The following FSTL4 variants were observed in gnomAD, a reference collection of about 807,000 sequenced individuals.
FSTL4 encodes follistatin-related protein 4.
In FSTL4, 28 loss-of-function variants were observed where a neutral mutation model predicts 78.2. The observed-to-expected ratio is 0.36, with a 90% CI of 0.27 to 0.49. The LOEUF is 0.49. FSTL4 is among the 20% of genes least tolerant of loss of function. The probability of loss-of-function intolerance (pLI) is 0.98; values close to 1 mark genes in which losing one functional copy is unlikely to be tolerated. For missense variants in FSTL4, 922 were observed against 1,084.9 expected (o/e 0.85, Z 2.11); for synonymous variants, 422 against 440.5 (o/e 0.96, Z 0.53).
chr5:133,404,938 G>T (rs1422849020), intron 3 of FSTL4, among the ~76,000 whole-genome samples: 4 of 152,202 alleles, frequency 2.6e-5, no homozygotes, highest in African/African-American at 9.7e-5. Context: ...CCTTCTCAGG[G>T]ACAGTGCCCC....
At chr5:133,707,462 CCAAA>C in the FSTL4 span, among the ~76,000 whole-genome samples, 2 of 152,150 alleles carry the variant, frequency 1.3e-5, no homozygotes, top group African/African-American at 4.8e-5. Context: ...CCAAATAGCG[CCAAA>C]CAATTGGGGA....
At chr5:133,646,825 T>A in the FSTL4 span, among the ~76,000 whole-genome samples, 1 of 152,086 alleles carries the variant, frequency 6.6e-6, no homozygotes, top group African/African-American at 2.4e-5. Context: ...GAGAACGACA[T>A]AACTGGGAAA....
chr5:133,354,150 A>G (rs1754891935), intron 4 of FSTL4, among the ~76,000 whole-genome samples: 1 of 151,664 alleles, frequency 6.6e-6, no homozygotes, highest in Admixed American at 6.6e-5. Context: ...CAGGACTATT[A>G]TAAGGATGGA....
At chr5:133,242,318 G>C (rs1751898534) in intron 7 of FSTL4, among the ~76,000 whole-genome samples, 2 of 152,132 alleles carry the variant, frequency 1.3e-5, no homozygotes, top group Non-Finnish European at 2.9e-5. Flanking sequence ...GCTCCAATCT[G>C]TAGTGGCCAA....
chr5:133,363,058 C>T (rs61200471), intron 4 of FSTL4, among the ~76,000 whole-genome samples: 26,613 of 152,098 alleles, frequency 0.17, 2,686 homozygotes, highest in East Asian at 0.36. Context: ...TTCTCTCTCT[C>T]CTAACTTCTT....
chr5:133,454,956 CGCCTTG>C (rs1561723534), intron 3 of FSTL4, among the ~76,000 whole-genome samples: 11 of 152,242 alleles, frequency 7.2e-5, no homozygotes, highest in African/African-American at 2.4e-4. Flanking sequence ...AAACTGAGAT[CGCCTTG>C]AGGGCAGGGC....
chr5:133,418,510 C>A (rs185210265), intron 3 of FSTL4, among the ~76,000 whole-genome samples: 1 of 151,840 alleles, frequency 6.6e-6, no homozygotes, highest in Non-Finnish European at 1.5e-5. Flanking sequence ...AAAAAATCGA[C>A]AAGCTATTCT....
chr5:133,650,635 AT>A, the FSTL4 span, among the ~76,000 whole-genome samples: 1 of 152,108 alleles, frequency 6.6e-6, no homozygotes, highest in Non-Finnish European at 1.5e-5. Context: ...ATTCTGTTCC[AT>A]TGATCTATCT....
the FSTL4 span, among the ~76,000 whole-genome samples, chr5:133,699,880 CAAA>C: frequency 1.6e-5 from 1 of 62,474 alleles, no homozygotes; most frequent in Non-Finnish European, 3.0e-5. Flanking sequence ...GACTCCATCT[CAAA>C]AAAAAAAAAA....
chr5:133,580,131 T>C (rs993898884), intron 2 of FSTL4, among the ~76,000 whole-genome samples: 1 of 152,160 alleles, frequency 6.6e-6, no homozygotes, highest in Non-Finnish European at 1.5e-5. Context: ...ATAGGTCCCC[T>C]CCCCTTGGAT....
intron 4 of FSTL4, among the ~76,000 whole-genome samples, chr5:133,398,911 A>T (rs1227172279): frequency 6.6e-6 from 1 of 152,158 alleles, no homozygotes; most frequent in Non-Finnish European, 1.5e-5. Flanking sequence ...TGAAAACCTC[A>T]ATGAGTCAGA....
intron 3 of FSTL4, among the ~76,000 whole-genome samples, chr5:133,493,804 A>G (rs1374252818): frequency 6.6e-6 from 1 of 152,180 alleles, no homozygotes; most frequent in Non-Finnish European, 1.5e-5. Context: ...CATTTTCCCC[A>G]GTAATATTTT....
At chr5:133,357,294 C>T (rs561819287) in intron 4 of FSTL4, among the ~76,000 whole-genome samples, 11 of 152,302 alleles carry the variant, frequency 7.2e-5, no homozygotes, top group South Asian at 2.1e-4. Flanking sequence ...GAGAACTCCC[C>T]GTTGGCCTCT....
At chr5:133,726,401 G>GGTGGGTCC in the FSTL4 span, among the ~76,000 whole-genome samples, 1 of 152,180 alleles carries the variant, frequency 6.6e-6, no homozygotes. Flanking sequence ...TCCTGAAGCT[G>GGTGGGTCC]GTGGGTCCCC....
chr5:133,599,792 C>T (rs1249359429), intron 2 of FSTL4, among the ~76,000 whole-genome samples: 2 of 151,668 alleles, frequency 1.3e-5, no homozygotes, highest in Non-Finnish European at 2.9e-5. Flanking sequence ...GCTCCAATGG[C>T]AGCACCCTAG....
chr5:133,789,682 A>C, the FSTL4 span, among the ~76,000 whole-genome samples: 162 of 152,312 alleles, frequency 1.1e-3, no homozygotes, highest in African/African-American at 3.8e-3. Context: ...TTTTTCTCAC[A>C]GTTCTGGAGA....
intron 1 of FSTL4, among the ~76,000 whole-genome samples, chr5:133,604,619 G>T (rs1760937929): frequency 6.6e-6 from 1 of 152,134 alleles, no homozygotes. Flanking sequence ...TGGGGCAGGA[G>T]AATCGCTTGA....
chr5:133,539,168 T>C (rs1014524197), intron 3 of FSTL4, among the ~76,000 whole-genome samples: 4 of 151,544 alleles, frequency 2.6e-5, no homozygotes, highest in Admixed American at 6.6e-5. Context: ...CATCTCTACA[T>C]GGAAGAAAGG....
chr5:133,352,802 G>T (rs1039437787), intron 4 of FSTL4, among the ~76,000 whole-genome samples: 6 of 152,082 alleles, frequency 3.9e-5, no homozygotes, highest in African/African-American at 1.4e-4. Context: ...TTATGGCTGC[G>T]TAGTATTCCA....
Sources: gnomAD v4.1 joint callset for allele counts (sites outside exome capture counted in the v4.1 genomes callset) on GRCh38, gnomAD v4.1.1 for gene constraint, MANE v1.5 for transcripts, NCBI Gene and HGNC (gene_info 2026-07-23, HGNC 2026-07-21) for gene names.